SHLD2: variants seen among roughly 807,000 people sequenced by gnomAD.
SHLD2 encodes the protein shieldin complex subunit 2.
In SHLD2, 30 loss-of-function variants were observed where a neutral mutation model predicts 73.2. That is an observed-to-expected ratio of 0.41 (90% CI 0.31 to 0.56). The LOEUF (loss-of-function observed/expected upper bound fraction) is 0.56, where lower values mean the gene tolerates loss of function less well. Ranked by LOEUF, SHLD2 falls within the 20% of genes least tolerant of loss-of-function variation. The pLI is 0.28. For synonymous variants in SHLD2, 285 were observed against 370.1 expected, an observed-to-expected ratio of 0.77 and a Z score of 2.64; for missense variants, 745 against 1,055.9, an observed-to-expected ratio of 0.71 and a Z score of 4.08.
chr10:87,190,480 G>C lies in SHLD2; in HGVS notation c.2516-4G>C. The C allele has an allele frequency of 1.9e-6, 3 of 1,611,628 alleles. No individual in the cohort carries two copies. The highest frequency in any genetic ancestry group is 1.7e-6 in the Non-Finnish European group (2 of 1,179,544). On this transcript the variant is annotated splice_region_variant and splice_polypyrimidine_tract_variant and intron_variant, in intron 9 of 9. Transcript: ENST00000298786. ...TGGGAGCTCTGTGTTTTTGTCTTTT[G>C]CAGTTCCTTCCTCAGAGATCACCTA...
intron 2 of SHLD2, among the ~76,000 whole-genome samples, chr10:87,107,776 A>T (rs1373156015): frequency 6.6e-6 from 1 of 152,236 alleles, no homozygotes; most frequent in Non-Finnish European, 1.5e-5. Context: ...GGAAAACCCA[A>T]TTGGAAGTAT....
chr10:87,186,429 C>G (rs1848622230), intron 8 of SHLD2, among the ~76,000 whole-genome samples: 2 of 152,192 alleles, frequency 1.3e-5, no homozygotes, highest in Non-Finnish European at 2.9e-5. Context: ...CACCATCCAA[C>G]CCTCTCTCAC....
Position 87,191,083 on chromosome 10 carries a change from G to A in SHLD2, c.*400G>A, listed in dbSNP as rs1468098184. ...TTCGCTTATCCCTACCTAAAAAACCGTCAATGTGAAATCATTTCCTTGATT... is the reference window on the plus strand; with the variant it reads ...TTCGCTTATCCCTACCTAAAAAACCATCAATGTGAAATCATTTCCTTGATT... On this transcript the variant is annotated 3_prime_UTR_variant, in exon 10 of 10. Transcript: ENST00000298786. 8 of 210,782 alleles carry A rather than the reference G, an allele frequency of 3.8e-5. No homozygotes were observed. The highest frequency in any genetic ancestry group is 2.5e-4 in the East Asian group (2 of 7,904). The allele number at this position is 210,782 out of a possible 1,614,324, so 13.1% of individuals were successfully genotyped here. A position where few individuals can be genotyped will look rare whatever the true frequency, so the allele number is the denominator to read the frequency against.
At chr10:87,138,435 A>G (rs985826596) in intron 2 of SHLD2, among the ~76,000 whole-genome samples, 83 of 152,324 alleles carry the variant, frequency 5.4e-4, no homozygotes, top group Admixed American at 2.8e-3. Flanking sequence ...GCCTTCAAAA[A>G]TAATGGCAAA....
intron 2 of SHLD2, among the ~76,000 whole-genome samples, chr10:87,142,277 T>C (rs1484930700): frequency 1.3e-5 from 2 of 152,236 alleles, no homozygotes; most frequent in Non-Finnish European, 2.9e-5. Context: ...CATACCTCTT[T>C]AGATAAATCA....
rs1259124324 is a variant in SHLD2 at position 87,189,182 on chromosome 10, G to C, written c.2516-1302G>C. The stretch of plus-strand genomic sequence containing the variant: ...ATGCCCGGCTAATTTTGTATTTTTA[G>C]TAGATATGGGGTTTCTCTATGTTAG... On this transcript the variant is annotated intron_variant, in intron 9 of 9. Transcript: ENST00000298786. Among the ~76,000 whole-genome samples, 10 of 152,244 alleles carry C rather than the reference G, an allele frequency of 6.6e-5. No individual in the cohort carries two copies. In the East Asian group the frequency reaches 1.9e-3, roughly 29 times the overall value.
chr10:87,127,525 A>ACCCCCCCCCCCC (rs1434245122), intron 2 of SHLD2, among the ~76,000 whole-genome samples: 1 of 29,002 alleles, frequency 3.4e-5, no homozygotes, highest in Non-Finnish European at 5.5e-5. Flanking sequence ...TGTCCCTCTT[A>ACCCCCCCCCCCC]CCCGCCCCCC....
chr10:87,178,052 G>A (rs184266669), intron 7 of SHLD2, among the ~76,000 whole-genome samples: 4,904 of 151,138 alleles, frequency 0.032, 221 homozygotes, highest in Admixed American at 0.11. Context: ...CCTGGCCAAC[G>A]TGGTGAAACC....
intron 8 of SHLD2, 63 bp downstream of exon 8, chr10:87,180,366 C>T (rs1848228103): frequency 1.3e-6 from 2 of 1,575,574 alleles, no homozygotes; most frequent in Non-Finnish European, 1.7e-6. Context: ...AAAAATTAGT[C>T]TGTAAACCCT....
rs768110784 is a variant in SHLD2, at chr10:87,158,177, G to A, written c.1633+22G>A. 7.5e-6 allele frequency: 12 copies of A among 1,605,702 alleles called. 1 individual carries two copies. The South Asian group carries it at 8.9e-5, about 12-fold the overall frequency. On this transcript the variant is annotated intron_variant, in intron 4 of 9. Coordinates refer to ENST00000298786, the MANE Select transcript of SHLD2 (RefSeq NM_001330112.2). ...GAATGTAAGGCACATTTTAAATGAA[G>A]TAATGTAGTAGTGTTTAAAGTATAA...
intron 3 of SHLD2, 91 bp downstream of exon 3, chr10:87,152,970 T>C: frequency 7.9e-7 from 1 of 1,264,664 alleles, no homozygotes; most frequent in Non-Finnish European, 1.1e-6. Flanking sequence ...TGAAGACTCT[T>C]TAGTCATTTG....
At chr10:87,164,013 AG>A (rs1342481366) in intron 4 of SHLD2, among the ~76,000 whole-genome samples, 2 of 148,024 alleles carry the variant, frequency 1.4e-5, no homozygotes, top group African/African-American at 2.5e-5. Context: ...GCTGGAGTGC[AG>A]TGGCGTGATC....
intron 2 of SHLD2, among the ~76,000 whole-genome samples, chr10:87,103,742 C>A (rs942479986): frequency 6.6e-6 from 1 of 152,058 alleles, no homozygotes; most frequent in Admixed American, 6.6e-5. Flanking sequence ...CTTAAAAAAC[C>A]CTTTTCCTAA....
Position 87,150,632 on chromosome 10 carries a change from A to G in SHLD2, c.-5-718A>G, listed in dbSNP as rs917395846. Among the ~76,000 whole-genome samples, 77 of 151,538 alleles carry G rather than the reference A, an allele frequency of 5.1e-4. 1 individual carries two copies. The highest frequency in any genetic ancestry group is 3.4e-3 in the Middle Eastern group (1 of 292). The stretch of plus-strand genomic sequence containing the variant: ...AAAAATTAGCCGGGCGTGGTGGCAC[A>G]GACTGTAATCCCAGCTAATCAGGGG... On this transcript the variant is annotated intron_variant, in intron 2 of 9. Transcript: ENST00000298786.
At chr10:87,113,611 T>C (rs61254335) in intron 2 of SHLD2, among the ~76,000 whole-genome samples, 2,254 of 152,298 alleles carry the variant, frequency 0.015, 57 homozygotes, top group African/African-American at 0.051. Flanking sequence ...TTTTAGGTGA[T>C]AGAAATGTTC....
At chr10:87,117,007 G>T (rs2134045144) in intron 2 of SHLD2, among the ~76,000 whole-genome samples, 1 of 152,342 alleles carries the variant, frequency 6.6e-6, no homozygotes, top group Non-Finnish European at 1.5e-5. Context: ...ATTGAAGATT[G>T]AACGGGAGGA....
intron 3 of SHLD2, among the ~76,000 whole-genome samples, chr10:87,156,509 TAGA>T (rs768039207): frequency 5.4e-4 from 82 of 152,272 alleles, no homozygotes; most frequent in Non-Finnish European, 9.1e-4. Context: ...TGACTAGAAT[TAGA>T]AGAAGATGGG....
chr10:87,094,786 GA>G, upstream of SHLD2: 1 of 1,526,892 alleles, frequency 6.5e-7, no homozygotes, highest in Admixed American at 1.8e-5. This position sits in a 1 kb window ranked among gnomAD's most constrained non-coding sequence, Gnocchi z 6.6. Context: ...AAGCGGAGGG[GA>G]GGTGCGTGAT....
intron 2 of SHLD2, among the ~76,000 whole-genome samples, chr10:87,134,486 C>CT (rs2134177461): frequency 6.6e-6 from 1 of 152,264 alleles, no homozygotes; most frequent in African/African-American, 2.4e-5. Context: ...CTGAGAAGCC[C>CT]TAGCAACTCT....
Sources: allele counts gnomAD v4.1 joint callset (sites outside exome capture counted in the v4.1 genomes callset), GRCh38; gene constraint gnomAD v4.1.1; non-coding constraint Gnocchi (gnomAD v3.1); transcripts MANE v1.5; gene names NCBI Gene and HGNC (gene_info 2026-07-23, HGNC 2026-07-21).